Variants in UGT1A3 observed in about 807,000 individuals in gnomAD.
UGT1A3 encodes UDP-glucuronosyltransferase 1A3.
In UGT1A3, 31 loss-of-function variants were observed where a neutral mutation model predicts 41.0. That is an observed-to-expected ratio of 0.76 (90% CI 0.57 to 1.02). The LOEUF (loss-of-function observed/expected upper bound fraction) is 1.02, where lower values mean the gene tolerates loss of function less well. Among genes scored for constraint, UGT1A3 ranks in the 50% least tolerant of loss-of-function variants. UGT1A3 has a pLI of 0.00. For synonymous variants in UGT1A3, 262 were observed against 257.6 expected (o/e 1.02, Z -0.17); for missense variants, 737 against 671.0 (o/e 1.10, Z -1.09).
intron 1 of UGT1A3, among the ~76,000 whole-genome samples, chr2:233,731,868 C>A (rs576370414): frequency 3.2e-4 from 49 of 152,324 alleles, no homozygotes; most frequent in African/African-American, 1.1e-3. Context: ...ACACTGTCTT[C>A]CACAATGGTT....
In UGT1A3 at chr2:233,772,321, T is replaced by C; in HGVS notation, c.1367T>C (p.Leu456Pro). 1 of 1,614,248 alleles carries C rather than the reference T, an allele frequency of 6.2e-7. No homozygotes were observed. The highest frequency in any genetic ancestry group is 8.5e-7 in the Non-Finnish European group (1 of 1,180,036). ...CACAAGGACCGCCCGGTGGAGCCGC[T>C]GGACCTGGCCGTGTTCTGGGTGGAG... is the stretch of plus-strand genomic sequence containing the variant. Reference protein sequence around the residue: ...SLHKDRPVEPLDLAVFWVEFV... With the variant: ...SLHKDRPVEPPDLAVFWVEFV... Residue 456 changes from leucine to proline, a missense_variant, in exon 5 of 5, where the codon CTG (leucine) becomes CCG (proline). By Grantham distance (98) the Leu-to-Pro change is moderately conservative. Coordinates refer to ENST00000482026, the MANE Select transcript of UGT1A3 (RefSeq NM_019093.4).
At chr2:233,761,926 C>A (rs986768651) in intron 1 of UGT1A3, among the ~76,000 whole-genome samples, 4 of 152,226 alleles carry the variant, frequency 2.6e-5, no homozygotes, top group Admixed American at 1.3e-4. Context: ...GCAGCCCAGG[C>A]ACTTCCCAGG....
chr2:233,769,857 CAAAA>C lies in UGT1A3; in HGVS notation c.1307+1432_1307+1435del, dbSNP rs879204025. On this transcript the variant is annotated intron_variant, in intron 4 of 4. Coordinates refer to ENST00000482026, the MANE Select transcript of UGT1A3 (RefSeq NM_019093.4). This position sits in a 1 kb window ranked among gnomAD's most constrained non-coding sequence, Gnocchi z 4.4. ...TGGGCAACAGAGTGAGACCCTGTCTCAAAAAAAAAAAAAAAAATGAAAAGTCCAC... is the reference window on the plus strand; with the variant it reads ...TGGGCAACAGAGTGAGACCCTGTCTCAAAAAAAAAAAAATGAAAAGTCCAC... The C allele has an allele frequency of 2.0e-3, 458 of 223,780 alleles. No individual in the cohort carries two copies. Among genetic ancestry groups the C allele is most frequent in the Middle Eastern group, 6.2e-3 (5 of 804 alleles). The allele number at this position is 223,780 out of a possible 1,614,324, so 13.9% of individuals were successfully genotyped here. A position where few individuals can be genotyped will look rare whatever the true frequency, so the allele number is the denominator to read the frequency against.
intron 1 of UGT1A3, chr2:233,741,767 G>A (rs1691768451): frequency 6.6e-6 from 1 of 151,872 alleles, no homozygotes; most frequent in South Asian, 2.1e-4. Flanking sequence ...ATGTGTTCAG[G>A]CCATGATTTT....
At chr2:233,744,492 G>A (rs1241222424) in intron 1 of UGT1A3, among the ~76,000 whole-genome samples, 2 of 152,034 alleles carry the variant, frequency 1.3e-5, no homozygotes, top group Admixed American at 1.3e-4. Flanking sequence ...GGGCAATTTA[G>A]TAAGAATAAA....
At chr2:233,750,259 G>A (rs1161591814) in intron 1 of UGT1A3, among the ~76,000 whole-genome samples, 1 of 151,924 alleles carries the variant, frequency 6.6e-6, no homozygotes, top group Non-Finnish European at 1.5e-5. Flanking sequence ...GGTCACCCTT[G>A]CTATGCTTTA....
rs1309329692 is a variant in UGT1A3, at chr2:233,769,709, G to A, written c.1307+1270G>A. 5 of 1,509,378 alleles carry A rather than the reference G, an allele frequency of 3.3e-6. No homozygotes were observed. The highest frequency in any genetic ancestry group is 2.0e-5 in the Admixed American group (1 of 49,512). The allele number at this position is 1,509,378 out of a possible 1,614,324, so 93.5% of individuals were successfully genotyped here. A position where few individuals can be genotyped will look rare whatever the true frequency, so the allele number is the denominator to read the frequency against. ...GGCACTGGATAAAAGATCAATGTTG[G>A]CTAGGCACCATGGCACACGCCTGTA... On this transcript the variant is annotated intron_variant, in intron 4 of 4. Transcript: ENST00000482026. The surrounding 1 kb of genome is among the most constrained non-coding windows in gnomAD (Gnocchi z 4.4).
At chr2:233,740,735 C>T (rs1403537292) in intron 1 of UGT1A3, 2 of 151,614 alleles carry the variant, frequency 1.3e-5, no homozygotes, top group Non-Finnish European at 2.9e-5. Flanking sequence ...AGGAAATGCC[C>T]CCTTTTACAC....
Position 233,729,743 on chromosome 2 carries a change from C to T in UGT1A3, c.617C>T (p.Thr206Ile), listed in dbSNP as rs748913597. The change falls in exon 1 of 5, where the codon ACA (threonine) becomes ATA (isoleucine). Residue 206 changes from threonine to isoleucine, a missense_variant. Coordinates refer to ENST00000482026, the MANE Select transcript of UGT1A3 (RefSeq NM_019093.4). The part of the protein sequence containing the change: ...RLLTTNSDHM[T>I]FMQRVKNMLY... The stretch of plus-strand genomic sequence containing the variant: ...CTAACAACCAATTCAGACCACATGA[C>T]ATTCATGCAAAGGGTCAAGAACATG... 6.2e-7 allele frequency: 1 copy of T among 1,613,994 alleles called. No homozygotes were observed. The highest frequency in any genetic ancestry group is 8.5e-7 in the Non-Finnish European group (1 of 1,179,862).
chr2:233,742,531 TTTTG>T (rs1252535514), intron 1 of UGT1A3, among the ~76,000 whole-genome samples: 4 of 151,838 alleles, frequency 2.6e-5, no homozygotes, highest in African/African-American at 9.7e-5. Context: ...GCTGCAGAGA[TTTTG>T]TTTATGGCCA....
intron 1 of UGT1A3, chr2:233,743,936 C>T (rs766652895): frequency 1.3e-5 from 17 of 1,355,746 alleles, no homozygotes; most frequent in Non-Finnish European, 1.7e-5. Context: ...CCAGAACGGC[C>T]CACCAGGCAC....
intron 1 of UGT1A3, chr2:233,760,489 A>C (rs756552149): frequency 6.2e-7 from 1 of 1,614,268 alleles, no homozygotes; most frequent in East Asian, 2.2e-5. Context: ...CTCGTTGTAC[A>C]TCAGAGACGG....
rs144483920 is a variant in UGT1A3 at position 233,744,779 on chromosome 2, C to T, written c.867+14786C>T. On this transcript the variant is annotated intron_variant, in intron 1 of 4. Transcript: ENST00000482026. ...ATAGTTTTAACTTTGCAAAATTCTCCTGAAAAATTCTTGGGGATCCCTAGG... is the reference window on the plus strand; with the variant it reads ...ATAGTTTTAACTTTGCAAAATTCTCTTGAAAAATTCTTGGGGATCCCTAGG... Among the ~76,000 whole-genome samples, 38 of 151,988 alleles carry T rather than the reference C, an allele frequency of 2.5e-4. 2 individuals are homozygous for T. In the East Asian group the frequency reaches 6.6e-3, roughly 26 times the overall value.
intron 1 of UGT1A3, among the ~76,000 whole-genome samples, chr2:233,738,370 A>G (rs1385050475): frequency 1.3e-5 from 2 of 152,228 alleles, no homozygotes; most frequent in African/African-American, 4.8e-5. Flanking sequence ...CTGCTATAAA[A>G]CTACTTGAAA....
Position 233,772,855 on chromosome 2 carries a change from A to T in UGT1A3, c.*296A>T, listed in dbSNP as rs1237319377. On this transcript the variant is annotated 3_prime_UTR_variant, in exon 5 of 5. Transcript: ENST00000482026. ...TTCTAGATTACTTTTCTTACTCTGA[A>T]ACATGGCCTGTTTGGGAGTGCGGGA... 3 of 732,688 alleles carry T rather than the reference A, an allele frequency of 4.1e-6. No homozygotes were observed. Among genetic ancestry groups the T allele is most frequent in the Non-Finnish European group, 5.9e-6 (3 of 506,184 alleles). 45.4% of individuals were successfully genotyped at this position (732,688 alleles called of 1,614,324 possible). A position where few individuals can be genotyped will look rare whatever the true frequency, so the allele number is the denominator to read the frequency against.
At chr2:233,753,951 A>G (rs1466645267) in intron 1 of UGT1A3, among the ~76,000 whole-genome samples, 1 of 152,178 alleles carries the variant, frequency 6.6e-6, no homozygotes, top group Non-Finnish European at 1.5e-5. Flanking sequence ...ATGACCTCCA[A>G]AATATTAAGA....
At position 233,729,639 on chromosome 2, in the gene UGT1A3, T is replaced by A. The variant is rs765411725; in HGVS notation, c.513T>A (p.Phe171Leu). The change falls in exon 1 of 5, where the codon TTT becomes TTA. Residue 171 changes from phenylalanine to leucine, a missense_variant. Phe to Leu is a conservative substitution (Grantham distance 22). Transcript: ENST00000482026. ...AGTACCTGTCGATTCCTACTGTGTT[T>A]TTTTTGAGGAACATTCCATGTGATT... ...LAKYLSIPTVFFLRNIPCDLD... is the reference protein window; with the variant it reads ...LAKYLSIPTVLFLRNIPCDLD... The A allele has an allele frequency of 1.2e-6, 2 of 1,613,956 alleles. No individual in the cohort carries two copies. The highest frequency in any genetic ancestry group is 2.2e-5 in the South Asian group (2 of 91,060).
At chr2:233,749,597 A>G (rs1694229445) in intron 1 of UGT1A3, among the ~76,000 whole-genome samples, 1 of 151,834 alleles carries the variant, frequency 6.6e-6, no homozygotes, top group South Asian at 2.1e-4. Flanking sequence ...ACATGAAGTC[A>G]CACTAGATTT....
At chr2:233,757,553 T>TATATATATATATATACATATAC (rs1164104376) in intron 1 of UGT1A3, among the ~76,000 whole-genome samples, 4 of 136,130 alleles carry the variant, frequency 2.9e-5, no homozygotes, top group Admixed American at 7.1e-5. Context: ...TATATATATA[T>TATATATATATATATACATATAC]ATATATATGT....
Sources: gnomAD v4.1 joint callset for allele counts (sites outside exome capture counted in the v4.1 genomes callset) on GRCh38, gnomAD v4.1.1 for gene constraint, Gnocchi (gnomAD v3.1) non-coding constraint, MANE v1.5 for transcripts, NCBI Gene and HGNC (gene_info 2026-07-23, HGNC 2026-07-21) for gene names.